CDH4: variants seen among roughly 807,000 people sequenced by gnomAD.
CDH4 encodes the protein cadherin-4.
CDH4 carries 33 observed loss-of-function variants against 86.0 expected under a neutral mutation model. That is an observed-to-expected ratio of 0.38 (90% CI 0.29 to 0.51). The LOEUF (loss-of-function observed/expected upper bound fraction) is 0.51. Among genes scored for constraint, CDH4 ranks in the 20% least tolerant of loss-of-function variants. The pLI is 0.86. For missense variants in CDH4, 1,114 were observed against 1,307.4 expected, an observed-to-expected ratio of 0.85 and a Z score of 2.28; for synonymous variants, 555 against 549.4, an observed-to-expected ratio of 1.01 and a Z score of -0.14.
At chr20:61,922,711 C>T (rs1205833875) in intron 9 of CDH4, among the ~76,000 whole-genome samples, 2 of 152,220 alleles carry the variant, frequency 1.3e-5, no homozygotes, top group Non-Finnish European at 2.9e-5. Flanking sequence ...TCTGTCGCCA[C>T]ATGGCTCCTC....
chr20:61,270,360 T>C (rs2084177385), intron 2 of CDH4, among the ~76,000 whole-genome samples: 1 of 152,238 alleles, frequency 6.6e-6, no homozygotes, highest in Admixed American at 6.5e-5. Flanking sequence ...TTTTCCATCT[T>C]CCCTCAGATA....
chr20:61,477,918 C>CCT (rs1428291361), intron 2 of CDH4, among the ~76,000 whole-genome samples: 1 of 152,050 alleles, frequency 6.6e-6, no homozygotes, highest in Non-Finnish European at 1.5e-5. Flanking sequence ...AGAAATCATC[C>CCT]CTCTCTCTCT....
chr20:61,479,198 C>T (rs1307715985), intron 2 of CDH4, among the ~76,000 whole-genome samples: 1 of 151,568 alleles, frequency 6.6e-6, no homozygotes, highest in African/African-American at 2.4e-5. Flanking sequence ...TTGTTTTATG[C>T]AAGGGTGTTT....
intron 4 of CDH4, among the ~76,000 whole-genome samples, chr20:61,808,567 A>G (rs902887735): frequency 5.9e-5 from 9 of 152,198 alleles, no homozygotes; most frequent in South Asian, 2.1e-4. Context: ...GTTTCGGAAC[A>G]TTAAAGGGAA....
chr20:61,929,126 G>A (rs539305236), intron 12 of CDH4, among the ~76,000 whole-genome samples: 1 of 150,298 alleles, frequency 6.7e-6, no homozygotes, highest in African/African-American at 2.4e-5. Context: ...CATCCTACAT[G>A]TTGCAATTGC....
intron 4 of CDH4, among the ~76,000 whole-genome samples, chr20:61,793,995 T>C (rs1350754652): frequency 1.4e-5 from 2 of 141,590 alleles, no homozygotes; most frequent in East Asian, 4.3e-4. Flanking sequence ...AAAAAAAAAT[T>C]AGCTGGGCGT....
At chr20:61,692,740 C>G (rs1227703733) in intron 2 of CDH4, among the ~76,000 whole-genome samples, 5 of 152,206 alleles carry the variant, frequency 3.3e-5, no homozygotes. Flanking sequence ...TGCGGCTACT[C>G]ATACACATTT....
intron 1 of CDH4, among the ~76,000 whole-genome samples, chr20:61,253,336 T>C (rs951918553): frequency 5.9e-5 from 9 of 151,588 alleles, no homozygotes; most frequent in African/African-American, 2.2e-4. Flanking sequence ...GCGGGCCGGA[T>C]TGCCAGCTTT....
Position 61,937,506 on chromosome 20 carries a change from C to G in CDH4, c.*563C>G, listed in dbSNP as rs1045874062. ...CAGAGTGGGGTTCAAATCCCAGCAG[C>G]CTTTGCTGTACACAGCTGGGGGTCT... is the stretch of plus-strand genomic sequence containing the variant. On this transcript the variant is annotated 3_prime_UTR_variant, in exon 16 of 16. Transcript: ENST00000614565. The G allele has an allele frequency of 6.6e-6, 1 of 152,100 alleles. No individual in the cohort carries two copies. The highest frequency in any genetic ancestry group is 1.5e-5 in the Non-Finnish European group (1 of 68,006). 9.4% of individuals were successfully genotyped at this position (152,100 alleles called of 1,614,324 possible). A position where few individuals can be genotyped will look rare whatever the true frequency, so the allele number is the denominator to read the frequency against.
chr20:61,397,171 A>C (rs1435351489), intron 2 of CDH4, among the ~76,000 whole-genome samples: 1 of 152,136 alleles, frequency 6.6e-6, no homozygotes, highest in Non-Finnish European at 1.5e-5. Context: ...CAGCCTCCCA[A>C]AGTGCTGGGA....
chr20:61,850,359 G>T (rs1286744580), intron 5 of CDH4, among the ~76,000 whole-genome samples: 2 of 152,226 alleles, frequency 1.3e-5, no homozygotes, highest in African/African-American at 4.8e-5. Flanking sequence ...GGCTGCCGAT[G>T]TCACTGATGA....
intron 2 of CDH4, among the ~76,000 whole-genome samples, chr20:61,578,735 A>G (rs1285589028): frequency 2.0e-5 from 3 of 152,084 alleles, no homozygotes; most frequent in African/African-American, 4.8e-5. Flanking sequence ...AAAACCCCCA[A>G]TCCAACTGAT....
intron 2 of CDH4, among the ~76,000 whole-genome samples, chr20:61,323,243 G>T (rs756623807): frequency 1.3e-5 from 2 of 152,196 alleles, no homozygotes; most frequent in Non-Finnish European, 2.9e-5. Context: ...ATTGCCACTA[G>T]CTGCAGGGCA....
At chr20:61,473,637 T>C (rs560963135) in intron 2 of CDH4, among the ~76,000 whole-genome samples, 3 of 152,332 alleles carry the variant, frequency 2.0e-5, no homozygotes, top group East Asian at 3.9e-4. Context: ...TCTGTGATCT[T>C]GTAATAAAAT....
At chr20:61,613,792 G>A (rs1422438749) in intron 2 of CDH4, among the ~76,000 whole-genome samples, 2 of 151,788 alleles carry the variant, frequency 1.3e-5, no homozygotes, top group African/African-American at 2.4e-5. Flanking sequence ...TGGAGCCATC[G>A]ACTCTACAGA....
intron 7 of CDH4, among the ~76,000 whole-genome samples, chr20:61,874,267 C>A (rs946600046): frequency 3.3e-5 from 5 of 152,100 alleles, no homozygotes; most frequent in African/African-American, 1.2e-4. Flanking sequence ...TGCCTTGAAA[C>A]CCACCCCTTC....
intron 2 of CDH4, among the ~76,000 whole-genome samples, chr20:61,660,821 G>A (rs1038836541): frequency 6.6e-6 from 1 of 152,154 alleles, no homozygotes; most frequent in African/African-American, 2.4e-5. Context: ...CTCCCGCGTG[G>A]AACACCCAGC....
chr20:61,584,508 A>G (rs974003391), intron 2 of CDH4, among the ~76,000 whole-genome samples: 8 of 151,654 alleles, frequency 5.3e-5, no homozygotes, highest in Admixed American at 1.3e-4. Context: ...TAGAAAGCCC[A>G]CTCCATGGAG....
chr20:61,773,140 G>A lies in CDH4; in HGVS notation c.534G>A (p.Val178=), dbSNP rs1332272904. 4 of 1,604,176 alleles carry A rather than the reference G, an allele frequency of 2.5e-6. No homozygotes were observed. The South Asian group carries it at 3.4e-5, about 13-fold the overall frequency. ...KRDWVIPPIN[V]PENSRGPFPQ... Reference sequence around the variant, plus strand: ...ACTGGGTCATCCCGCCCATCAACGTGCCCGAGAACTCGCGCGGGCCCTTCC... The same window carrying A: ...ACTGGGTCATCCCGCCCATCAACGTACCCGAGAACTCGCGCGGGCCCTTCC... The change falls in exon 4 of 16, where the codon GTG becomes GTA. Residue 178 remains valine (V), a synonymous_variant. Coordinates refer to ENST00000614565, the MANE Select transcript of CDH4 (RefSeq NM_001794.5).
Sources: gnomAD v4.1 joint callset for allele counts (sites outside exome capture counted in the v4.1 genomes callset) on GRCh38, gnomAD v4.1.1 for gene constraint, MANE v1.5 for transcripts, NCBI Gene and HGNC (gene_info 2026-07-23, HGNC 2026-07-21) for gene names.